Variants in TTC21A observed in about 807,000 individuals in gnomAD.
TTC21A encodes the protein tetratricopeptide repeat protein 21A.
A neutral mutation model predicts 156.4 loss-of-function variants in TTC21A; 128 were observed. The observed-to-expected ratio is 0.82, with a 90% CI of 0.71 to 0.95. The LOEUF is 0.95. Ranked by LOEUF, TTC21A falls within the 40% of genes least tolerant of loss-of-function variation. The pLI is 0.00. For missense variants in TTC21A, 1,435 were observed against 1,602.3 expected, an observed-to-expected ratio of 0.90 and a Z score of 1.78; for synonymous variants, 587 against 617.1, an observed-to-expected ratio of 0.95 and a Z score of 0.72.
chr3:39,113,746 T>C (rs1008701728), intron 5 of TTC21A, among the ~76,000 whole-genome samples: 9 of 152,276 alleles, frequency 5.9e-5, no homozygotes, highest in African/African-American at 2.2e-4. Context: ...AGTTTGAACA[T>C]GGATATAAAG....
At chr3:39,138,175 C>A (rs753604363) in intron 26 of TTC21A, 92 bp from the exon 27 acceptor site, 18 of 1,581,346 alleles carry the variant, frequency 1.1e-5, no homozygotes, top group Non-Finnish European at 1.6e-5. Flanking sequence ...CTGTCCCTTG[C>A]CTGCTTCTGG....
chr3:39,115,388 C>CA (rs1173819518), intron 6 of TTC21A, among the ~76,000 whole-genome samples: 2 of 152,090 alleles, frequency 1.3e-5, no homozygotes, highest in Non-Finnish European at 2.9e-5. Flanking sequence ...CTAATGGGCA[C>CA]AGTGGCTCAT....
chr3:39,128,730 C>T lies in TTC21A; in HGVS notation c.1694C>T (p.Pro565Leu). 6.2e-7 allele frequency: 1 copy of T among 1,614,136 alleles called. No homozygotes were observed. Among genetic ancestry groups the T allele is most frequent in the Non-Finnish European group, 8.5e-7 (1 of 1,180,020 alleles). ...TGCTCCTCCTAGGTCCGAGATCACC[C>T]CCTCTACCACCTCATCAAGGCCAGG... ...VSHNFQVRDH[P>L]LYHLIKARAL... Residue 565 changes from proline to leucine, a missense_variant, in exon 14 of 29, where the codon CCC (proline) becomes CTC (leucine). Coordinates refer to ENST00000683103, the MANE Select transcript of TTC21A (RefSeq NM_001366900.1).
chr3:39,138,366 C>T lies in TTC21A; in HGVS notation c.3775C>T (p.His1259Tyr). 1 of 1,614,052 alleles carries T rather than the reference C, an allele frequency of 6.2e-7. No individual in the cohort carries two copies. Among genetic ancestry groups the T allele is most frequent in the Non-Finnish European group, 8.5e-7 (1 of 1,179,956 alleles). The part of the protein sequence containing the change: ...TNYKLAWKYS[H>Y]HANPAIGFKL... ...CTACAAACTGGCCTGGAAGTACAGT[C>T]ATCACGCCAACCCTGCCATTGGTAA... The change falls in exon 27 of 29, where the codon CAT (histidine) becomes TAT (tyrosine). Residue 1259 changes from histidine to tyrosine, a missense_variant. His to Tyr is a moderately conservative substitution (Grantham distance 83, BLOSUM62 2). Transcript: ENST00000683103.
chr3:39,134,260 C>G lies in TTC21A; in HGVS notation c.2794C>G (p.Leu932Val). The G allele has an allele frequency of 6.2e-7, 1 of 1,614,038 alleles. No individual in the cohort carries two copies. The highest frequency in any genetic ancestry group is 1.1e-5 in the South Asian group (1 of 91,082). Residue 932 changes from leucine (L) to valine (V), a missense_variant, in exon 21 of 29, where the codon CTG (leucine) becomes GTG (valine). Transcript: ENST00000683103. The surrounding 1 kb of genome is among the most constrained non-coding windows in gnomAD (Gnocchi z 4.6). ...GCAGCTCTACCTGCTCCAGGGGCAC[C>G]TGGACCTGTGTGAGCAGCACTGTGC... ...LAQLYLLQGH[L>V]DLCEQHCAIL...
rs2125843494 is a variant in TTC21A, at chr3:39,130,513, A to C, written c.2319+155A>C. The C allele has an allele frequency of 1.1e-6, 1 of 948,216 alleles. No homozygotes were observed. Among genetic ancestry groups the C allele is most frequent in the East Asian group, 2.4e-5 (1 of 40,996 alleles). The allele number at this position is 948,216 out of a possible 1,614,324, so 58.7% of individuals were successfully genotyped here. A position where few individuals can be genotyped will look rare whatever the true frequency, so the allele number is the denominator to read the frequency against. On this transcript the variant is annotated intron_variant, in intron 17 of 28. Transcript: ENST00000683103. The surrounding 1 kb of genome is among the most constrained non-coding windows in gnomAD (Gnocchi z 4.5). ...GGGGTGCCAAGGGGAGAACTCAGCA[A>C]CTCTCTGCTGCTGACCACACCTGCT...
chr3:39,128,749 G>A lies in TTC21A; in HGVS notation c.1713G>A (p.Lys571=), dbSNP rs748904347. ...VRDHPLYHLI[K]ARALNKAGDY... is the part of the protein sequence containing the mutation. ...ATCACCCCCTCTACCACCTCATCAA[G>A]GCCAGGGCCCTCAACAAGGCTGGAG... Residue 571 remains lysine, a synonymous_variant, in exon 14 of 29, where the codon AAG becomes AAA. Coordinates refer to ENST00000683103, the MANE Select transcript of TTC21A (RefSeq NM_001366900.1). 6.8e-6 allele frequency: 11 copies of A among 1,614,122 alleles called. No individual in the cohort carries two copies. In the South Asian group the frequency reaches 8.8e-5, roughly 13 times the overall value.
In TTC21A at chr3:39,134,884, C is replaced by T; in HGVS notation, c.2863-209C>T. The T allele has an allele frequency of 1.7e-6, 1 of 601,456 alleles. No homozygotes were observed. The allele number at this position is 601,456 out of a possible 1,614,324, so 37.3% of individuals were successfully genotyped here. Reference sequence around the variant, plus strand: ...CAACCCAACTCTTCTTGCCCCTCACCTTGGGAAGTCCTCACCTTCTGGGTG... The same window carrying T: ...CAACCCAACTCTTCTTGCCCCTCACTTTGGGAAGTCCTCACCTTCTGGGTG... On this transcript the variant is annotated intron_variant, in intron 21 of 28. Coordinates refer to ENST00000683103, the MANE Select transcript of TTC21A (RefSeq NM_001366900.1). This position sits in a 1 kb window ranked among gnomAD's most constrained non-coding sequence, Gnocchi z 4.6.
At chr3:39,110,324 GC>G (rs2036704004) in intron 3 of TTC21A, 185 bp downstream of exon 3, 5 of 658,114 alleles carry the variant, frequency 7.6e-6, no homozygotes, top group South Asian at 6.7e-5. Context: ...AAGACTCCAT[GC>G]CTGGGCCCAA....
intron 9 of TTC21A, among the ~76,000 whole-genome samples, chr3:39,124,168 C>T (rs1419704455): frequency 1.3e-5 from 2 of 152,098 alleles, no homozygotes; most frequent in Non-Finnish European, 2.9e-5. Flanking sequence ...TGTAAATGTT[C>T]ATCATAGCAT....
In TTC21A at chr3:39,130,031, G is replaced by T; in HGVS notation, c.2136-48G>T. ...GTGAAGGAGATGATTTCAGGAACAT[G>T]AGGTGTGTGCGAACCTGGGATAAGC... On this transcript the variant is annotated intron_variant, in intron 15 of 28. Transcript: ENST00000683103. The surrounding 1 kb of genome is among the most constrained non-coding windows in gnomAD (Gnocchi z 4.5). The T allele has an allele frequency of 1.9e-6, 3 of 1,574,072 alleles. No individual in the cohort carries two copies. The highest frequency in any genetic ancestry group is 2.2e-5 in the South Asian group (2 of 89,136).
Position 39,125,488 on chromosome 3 carries a change from C to G in TTC21A, c.1348C>G (p.Leu450Val). ...EYFEKLDPYF[L>V]VCIAKEYLLF... ...CTTTGAAAAGCTGGACCCGTACTTC[C>G]TGGTCTGCATTGCTAAGGAGTACTT... The change falls in exon 11 of 29, where the codon CTG becomes GTG. Residue 450 changes from leucine (L) to valine (V), a missense_variant. By Grantham distance (32) the Leu-to-Val change is conservative. Coordinates refer to ENST00000683103, the MANE Select transcript of TTC21A (RefSeq NM_001366900.1). The G allele has an allele frequency of 6.2e-7, 1 of 1,614,140 alleles. No homozygotes were observed. Among genetic ancestry groups the G allele is most frequent in the Non-Finnish European group, 8.5e-7 (1 of 1,179,974 alleles).
rs767436812 is a variant in TTC21A, at chr3:39,110,979, AT to A, written c.399del (p.Ile133MetfsTer5). ...IGRHDKAKEY[I>X]DRMLKISRGF... The stretch of plus-strand genomic sequence containing the variant: ...CCGCCATGACAAGGCCAAAGAGTAC[AT>A]TGACCGCATGCTGAAGATTTCTAGA... On this transcript the variant is annotated frameshift_variant, in exon 4 of 29. Transcript: ENST00000683103. LOFTEE classifies it high-confidence loss of function. 3 of 1,613,188 alleles carry A rather than the reference AT, an allele frequency of 1.9e-6. No homozygotes were observed. The highest frequency in any genetic ancestry group is 2.5e-6 in the Non-Finnish European group (3 of 1,179,402).
At chr3:39,129,032 G>T (rs368924529) in intron 14 of TTC21A, 40 bp from the exon 15 acceptor site, 93 of 1,611,030 alleles carry the variant, frequency 5.8e-5, no homozygotes, top group Admixed American at 1.7e-4. Flanking sequence ...CTGTTTACTT[G>T]TGCATCAAGT....
In TTC21A at chr3:39,112,577, A is replaced by G. The variant is rs2036925939; in HGVS notation, c.555A>G (p.Gly185=). 2 of 1,613,978 alleles carry G rather than the reference A, an allele frequency of 1.2e-6. No homozygotes were observed. The highest frequency in any genetic ancestry group is 4.5e-5 in the East Asian group (2 of 44,880). ...QDTKDVLGLM[G]KAMYFMMQQN... is the part of the protein sequence containing the mutation. ...CCAAAGATGTGCTGGGGCTGATGGG[A>G]AAGGTGGGCAGTGGAAAAGGGAGAG... Residue 185 remains glycine (G), a synonymous_variant, in exon 5 of 29, where the codon GGA becomes GGG. Transcript: ENST00000683103.
At chr3:39,124,255 T>C (rs2038021367) in intron 9 of TTC21A, among the ~76,000 whole-genome samples, 1 of 152,182 alleles carries the variant, frequency 6.6e-6, no homozygotes, top group Non-Finnish European at 1.5e-5. Flanking sequence ...AAATAATTAG[T>C]AGGGCAATAA....
Position 39,134,431 on chromosome 3 carries a change from T to C in TTC21A, c.2862+103T>C. 3 of 829,062 alleles carry C rather than the reference T, an allele frequency of 3.6e-6. No homozygotes were observed. 51.4% of individuals were successfully genotyped at this position (829,062 alleles called of 1,614,324 possible). ...TCCTAGCCCCGTAACCTCAGATGCC[T>C]CACTGACACACCTCTGAGGAGCTGT... On this transcript the variant is annotated intron_variant, in intron 21 of 28. Transcript: ENST00000683103. The surrounding 1 kb of genome is among the most constrained non-coding windows in gnomAD (Gnocchi z 4.6).
Position 39,129,222 on chromosome 3 carries a change from C to A in TTC21A, c.2047C>A (p.Gln683Lys), listed in dbSNP as rs1259635744. ...LNMLRNILPK[Q>K]SCYMEAREKM... is the part of the protein sequence containing the mutation. ...CATGCTAAGGAACATCTTGCCCAAG[C>A]AGTCCTGCTATATGGAAGCCAGAGA... Residue 683 changes from glutamine to lysine, a missense_variant, in exon 15 of 29, where the codon CAG becomes AAG. Gln to Lys is a moderately conservative substitution (Grantham distance 53). Transcript: ENST00000683103. 8 of 1,614,102 alleles carry A rather than the reference C, an allele frequency of 5.0e-6. No individual in the cohort carries two copies. The African/African-American group carries it at 1.1e-4, about 22-fold the overall frequency.
At chr3:39,110,291 C>A in intron 3 of TTC21A, 152 bp downstream of exon 3, 1 of 701,146 alleles carries the variant, frequency 1.4e-6, no homozygotes, top group South Asian at 1.5e-5. Context: ...GCTGCTGCTC[C>A]TCTCCCCCTG....
Sources: gnomAD v4.1 joint callset for allele counts (sites outside exome capture counted in the v4.1 genomes callset) on GRCh38, gnomAD v4.1.1 for gene constraint, Gnocchi (gnomAD v3.1) non-coding constraint, MANE v1.5 for transcripts, NCBI Gene and HGNC (gene_info 2026-07-23, HGNC 2026-07-21) for gene names.